Variants in RBFOX2 observed in about 807,000 individuals in gnomAD.
RBFOX2 encodes the protein RNA binding fox-1 homolog 2, also known as RNA binding protein fox-1 homolog 2.
A neutral mutation model predicts 49.1 loss-of-function variants in RBFOX2; 10 were observed. That is an observed-to-expected ratio of 0.20 (90% CI 0.13 to 0.35). RBFOX2 has a LOEUF of 0.35. Ranked by LOEUF, RBFOX2 falls within the 10% of genes least tolerant of loss-of-function variation. The pLI is 1.00. For missense variants in RBFOX2, 323 were observed against 486.9 expected (o/e 0.66, Z 3.17); for synonymous variants, 183 against 187.4 (o/e 0.98, Z 0.19).
At chr22:36,005,302 A>G (rs1020645972) in intron 1 of RBFOX2, among the ~76,000 whole-genome samples, 3 of 152,234 alleles carry the variant, frequency 2.0e-5, no homozygotes, top group African/African-American at 7.2e-5. Flanking sequence ...GTGAAAGCAC[A>G]CTAAGAGTCT....
At chr22:35,936,698 AT>A (rs1432665850) in intron 1 of RBFOX2, among the ~76,000 whole-genome samples, 2 of 152,234 alleles carry the variant, frequency 1.3e-5, no homozygotes, top group East Asian at 3.8e-4. Flanking sequence ...CAGAGACAGC[AT>A]GAGTAATGAA....
intron 1 of RBFOX2, among the ~76,000 whole-genome samples, chr22:35,933,325 C>T (rs147149064): frequency 1.1e-3 from 175 of 152,306 alleles, no homozygotes; most frequent in African/African-American, 4.0e-3. Flanking sequence ...AACTGTAAAG[C>T]AGTTAGCAGA....
intron 1 of RBFOX2, among the ~76,000 whole-genome samples, chr22:36,015,772 A>C (rs2146445331): frequency 6.6e-6 from 1 of 152,130 alleles, no homozygotes; most frequent in African/African-American, 2.4e-5. Flanking sequence ...CAGGGGGCTA[A>C]AAAAAGATCT....
At chr22:35,868,068 T>A (rs2043894218) in intron 1 of RBFOX2, among the ~76,000 whole-genome samples, 1 of 151,424 alleles carries the variant, frequency 6.6e-6, no homozygotes, top group African/African-American at 2.4e-5. Flanking sequence ...AAAAATTAGC[T>A]GGGTGTGGTG....
intron 3 of RBFOX2, among the ~76,000 whole-genome samples, chr22:35,779,507 G>A (rs748796234): frequency 2.5e-4 from 38 of 152,118 alleles, no homozygotes; most frequent in African/African-American, 8.5e-4. Context: ...GAAGAATCAC[G>A]GAAAAAGGAA....
intron 1 of RBFOX2, among the ~76,000 whole-genome samples, chr22:35,976,979 AG>A (rs2057199258): frequency 6.6e-6 from 1 of 151,704 alleles, no homozygotes. Context: ...AAAAAAAAAA[AG>A]AAAAAGAAAA....
At chr22:35,775,849 A>AAAAAG (rs1354164397) in intron 4 of RBFOX2, among the ~76,000 whole-genome samples, 3 of 151,076 alleles carry the variant, frequency 2.0e-5, no homozygotes, top group African/African-American at 7.3e-5. Flanking sequence ...CTCAAAAAAA[A>AAAAAG]AAAAAAAAAA....
At chr22:35,848,354 ATACTCT>A (rs1373700765) in intron 1 of RBFOX2, among the ~76,000 whole-genome samples, 3 of 152,228 alleles carry the variant, frequency 2.0e-5, no homozygotes, top group Non-Finnish European at 2.9e-5. Context: ...TAAATATAAA[ATACTCT>A]TAATTTGAAT....
At chr22:35,953,061 A>C (rs1337409539) in intron 1 of RBFOX2, among the ~76,000 whole-genome samples, 1 of 151,960 alleles carries the variant, frequency 6.6e-6, no homozygotes, top group Non-Finnish European at 1.5e-5. Context: ...AATACAAAAA[A>C]TTAGCTGGGC....
intron 2 of RBFOX2, among the ~76,000 whole-genome samples, chr22:35,787,147 C>G (rs1491004027): frequency 6.6e-6 from 1 of 152,152 alleles, no homozygotes; most frequent in East Asian, 1.9e-4. Context: ...TCAACTGATC[C>G]TCCTGCCTTA....
At chr22:35,918,542 T>A (rs1164890287) in intron 1 of RBFOX2, among the ~76,000 whole-genome samples, 2 of 152,156 alleles carry the variant, frequency 1.3e-5, no homozygotes, top group African/African-American at 4.8e-5. Flanking sequence ...ACTGGACGAA[T>A]CATATAGTAA....
chr22:35,960,510 G>GGTC (rs2056079733), intron 1 of RBFOX2, among the ~76,000 whole-genome samples: 1 of 152,012 alleles, frequency 6.6e-6, no homozygotes, highest in African/African-American at 2.4e-5. Flanking sequence ...AATCCAAATG[G>GGTC]GTCACCTCAG....
chr22:35,926,229 T>C (rs1490087826), intron 1 of RBFOX2, among the ~76,000 whole-genome samples: 1 of 152,198 alleles, frequency 6.6e-6, no homozygotes, highest in Non-Finnish European at 1.5e-5. Context: ...GTAGCCAGAA[T>C]TGATTATAAA....
intron 1 of RBFOX2, among the ~76,000 whole-genome samples, chr22:35,833,915 A>T (rs1365713855): frequency 1.3e-5 from 2 of 152,190 alleles, no homozygotes; most frequent in South Asian, 4.1e-4. Context: ...GATAATATTA[A>T]TATTTTTATC....
rs891935465 is a variant in RBFOX2, at chr22:35,749,753, A to G, written c.888-3192T>C. 1.3e-5 allele frequency among the ~76,000 whole-genome samples: 2 copies of G among 152,218 alleles called. No homozygotes were observed. The highest frequency in any genetic ancestry group is 2.1e-4 in the South Asian group (1 of 4,832). On this transcript the variant is annotated intron_variant, in intron 9 of 11. Transcript: ENST00000405409. This position sits in a 1 kb window ranked among gnomAD's most constrained non-coding sequence, Gnocchi z 4.1. The stretch of plus-strand genomic sequence containing the variant: ...TGCAGTTTGAAACACCAAGGTTTTC[A>G]TTACTGTTTCTTAAGTTTTTCAAAA...
intron 1 of RBFOX2, among the ~76,000 whole-genome samples, chr22:35,869,061 C>T (rs1368145881): frequency 1.4e-4 from 21 of 152,126 alleles, no homozygotes; most frequent in Admixed American, 1.4e-3. Flanking sequence ...AAGGGCTAGG[C>T]CAGAGATCCA....
intron 1 of RBFOX2, among the ~76,000 whole-genome samples, chr22:35,815,171 C>G (rs1199212265): frequency 6.6e-6 from 1 of 152,130 alleles, no homozygotes; most frequent in Non-Finnish European, 1.5e-5. Flanking sequence ...TGTAGTAAAA[C>G]AGAAGAAAGC....
At chr22:35,979,300 A>C (rs2057345382) in intron 1 of RBFOX2, among the ~76,000 whole-genome samples, 1 of 152,210 alleles carries the variant, frequency 6.6e-6, no homozygotes, top group South Asian at 2.1e-4. Flanking sequence ...ATATTCCTAG[A>C]CAAGATACCG....
intron 1 of RBFOX2, among the ~76,000 whole-genome samples, chr22:35,930,792 T>C (rs1178022172): frequency 1.3e-5 from 2 of 152,122 alleles, no homozygotes; most frequent in East Asian, 3.9e-4. Context: ...ATGACACACC[T>C]GCACTCCTGC....
Sources: gnomAD v4.1 joint callset for allele counts (sites outside exome capture counted in the v4.1 genomes callset) on GRCh38, gnomAD v4.1.1 for gene constraint, Gnocchi (gnomAD v3.1) non-coding constraint, MANE v1.5 for transcripts, NCBI Gene and HGNC (gene_info 2026-07-23, HGNC 2026-07-21) for gene names.